DENND2B: variants seen among roughly 807,000 people sequenced by gnomAD.
DENND2B encodes DENN domain-containing protein 2B.
A neutral mutation model predicts 116.0 loss-of-function variants in DENND2B; 32 were observed. That is an observed-to-expected ratio of 0.28 (90% CI 0.21 to 0.37). The LOEUF (loss-of-function observed/expected upper bound fraction) is 0.37, where lower values mean the gene tolerates loss of function less well. Ranked by LOEUF, DENND2B falls within the 10% of genes least tolerant of loss-of-function variation. The pLI is 1.00. For synonymous variants in DENND2B, 588 were observed against 583.9 expected (o/e 1.01, Z -0.10); for missense variants, 1,276 against 1,477.7 (o/e 0.86, Z 2.24).
At chr11:8,854,016 ATTTTTTTTTTTTTTTTTT>A (rs71059187) in intron 3 of DENND2B, among the ~76,000 whole-genome samples, 1 of 62,756 alleles carries the variant, frequency 1.6e-5, no homozygotes, top group Admixed American at 2.5e-4. Flanking sequence ...GCCCCAGTTA[ATTTTTTTTTTTTTTTTTT>A]TTTTTTTTTT....
chr11:8,783,809 C>A (rs1593638550), intron 1 of DENND2B, among the ~76,000 whole-genome samples: 1 of 152,158 alleles, frequency 6.6e-6, no homozygotes, highest in East Asian at 1.9e-4. Flanking sequence ...AGAAGTATAA[C>A]AAAAGCTCTA....
chr11:8,718,052 G>A lies in DENND2B; in HGVS notation c.1478-160C>T, dbSNP rs1161065755. 7 of 692,350 alleles carry A rather than the reference G, an allele frequency of 1.0e-5. No individual in the cohort carries two copies. The East Asian group carries it at 1.4e-4, about 14-fold the overall frequency. The allele number at this position is 692,350 out of a possible 1,614,324, so 42.9% of individuals were successfully genotyped here. On this transcript the variant is annotated intron_variant, in intron 4 of 19. Transcript: ENST00000313726. Reference sequence around the variant, plus strand: ...TCATGCAGCTGCCCGTCTGCAGTGGGGAGGCTACAAACAGATCCTGGCTCC... The same window carrying A: ...TCATGCAGCTGCCCGTCTGCAGTGGAGAGGCTACAAACAGATCCTGGCTCC...
intron 1 of DENND2B, chr11:8,784,253 A>G (rs1484343315): frequency 2.1e-5 from 1 of 47,286 alleles, no homozygotes; most frequent in African/African-American, 1.5e-4. Flanking sequence ...ATCTCTACCG[A>G]AAAAAAAAAA....
chr11:8,770,797 C>T (rs926896170), intron 1 of DENND2B, among the ~76,000 whole-genome samples: 2 of 152,158 alleles, frequency 1.3e-5, no homozygotes, highest in Non-Finnish European at 2.9e-5. Flanking sequence ...TAAAATGATC[C>T]TCCTGCCTCA....
intron 16 of DENND2B, 77 bp from the exon 17 acceptor site, chr11:8,697,713 G>T: frequency 2.2e-6 from 2 of 925,018 alleles, no homozygotes; most frequent in Non-Finnish European, 3.6e-6. Context: ...TGTTAGAAGA[G>T]CGTGAGTAGA....
At position 8,766,532 on chromosome 11, in the gene DENND2B, C is replaced by T. The variant is rs570934661; in HGVS notation, c.-25-15807G>A. The stretch of plus-strand genomic sequence containing the variant: ...ATGTCCACAAGCCAAATCATTAATC[C>T]AAAGAGACAGGGAGCAATGGGAACC... On this transcript the variant is annotated intron_variant, in intron 1 of 19. Transcript: ENST00000313726. 1.5e-4 allele frequency: 157 copies of T among 1,039,728 alleles called. No homozygotes were observed. The African/African-American group carries it at 2.4e-3, about 16-fold the overall frequency. The allele number at this position is 1,039,728 out of a possible 1,614,324, so 64.4% of individuals were successfully genotyped here. A position where few individuals can be genotyped will look rare whatever the true frequency, so the allele number is the denominator to read the frequency against.
intron 4 of DENND2B, among the ~76,000 whole-genome samples, chr11:8,720,706 A>T (rs2046006661): frequency 6.6e-6 from 1 of 152,122 alleles, no homozygotes; most frequent in African/African-American, 2.4e-5. Context: ...TCTCAAATAG[A>T]TTCTCCCAGT....
intron 5 of DENND2B, 85 bp from the exon 6 acceptor site, chr11:8,715,903 C>T: frequency 7.6e-7 from 1 of 1,318,610 alleles, no homozygotes; most frequent in East Asian, 2.4e-5. Context: ...GACACAGAGG[C>T]CAAGGGCCGG....
At chr11:8,740,338 C>T (rs902300666) in intron 2 of DENND2B, among the ~76,000 whole-genome samples, 2 of 152,212 alleles carry the variant, frequency 1.3e-5, no homozygotes, top group Admixed American at 6.5e-5. Flanking sequence ...AATCCCTGGG[C>T]TAGTGACACA....
intron 1 of DENND2B, among the ~76,000 whole-genome samples, chr11:8,907,171 G>C (rs993676940): frequency 6.6e-6 from 1 of 152,156 alleles, no homozygotes; most frequent in South Asian, 2.1e-4. Flanking sequence ...TCTCATTAGT[G>C]AATTTACCCT....
upstream of DENND2B, among the ~76,000 whole-genome samples, chr11:8,813,402 G>C (rs1252105114): frequency 6.6e-6 from 1 of 151,810 alleles, no homozygotes; most frequent in African/African-American, 2.4e-5. Flanking sequence ...GAAAGACAAA[G>C]AAAGACAAGA....
At chr11:8,856,177 A>G (rs1451946798) in intron 3 of DENND2B, among the ~76,000 whole-genome samples, 1 of 152,244 alleles carries the variant, frequency 6.6e-6, no homozygotes, top group Non-Finnish European at 1.5e-5. Flanking sequence ...TTGATGCAAT[A>G]TGATCAAAAG....
At chr11:8,881,324 A>G (rs1212823077) in intron 1 of DENND2B, among the ~76,000 whole-genome samples, 1 of 152,044 alleles carries the variant, frequency 6.6e-6, no homozygotes, top group Non-Finnish European at 1.5e-5. Context: ...CTGTTCCTTT[A>G]ATAATTTCAT....
intron 1 of DENND2B, 110 bp from the exon 2 acceptor site, chr11:8,750,835 G>A: frequency 2.3e-6 from 2 of 885,814 alleles, no homozygotes; most frequent in Non-Finnish European, 3.6e-6. Context: ...GTGGCAGGTA[G>A]TAGAAACTGC....
chr11:8,831,443 C>G (rs1029774515), intron 4 of DENND2B: 1 of 152,518 alleles, frequency 6.6e-6, no homozygotes, highest in Non-Finnish European at 1.5e-5. Flanking sequence ...CCACAGCCAG[C>G]CCCCACCATC....
chr11:8,862,029 G>C (rs1163395956), intron 2 of DENND2B, among the ~76,000 whole-genome samples: 1 of 151,854 alleles, frequency 6.6e-6, no homozygotes, highest in Non-Finnish European at 1.5e-5. Flanking sequence ...AGACACAGAA[G>C]GGGGAGGAAG....
chr11:8,869,357 T>C (rs1230060500), intron 2 of DENND2B, among the ~76,000 whole-genome samples: 3 of 152,206 alleles, frequency 2.0e-5, no homozygotes, highest in Non-Finnish European at 4.4e-5. Context: ...GGGGAGTTTT[T>C]CCAAAGGTAA....
rs542240198 is a variant in DENND2B, at chr11:8,796,733, T to C, written c.-26+13784A>G. On this transcript the variant is annotated intron_variant, in intron 1 of 19. Transcript: ENST00000313726. ...ACAAATTACTTACTTTTTCCAAAAG[T>C]AAATTCCATCTTCTTATACAATAGG... is the stretch of plus-strand genomic sequence containing the variant. Among the ~76,000 whole-genome samples the C allele has an allele frequency of 1.4e-3, 215 of 152,286 alleles. 1 individual carries two copies. Among genetic ancestry groups the C allele is most frequent in the African/African-American group, 5.0e-3 (207 of 41,556 alleles).
chr11:8,776,528 C>G (rs1216613816), intron 1 of DENND2B: 4 of 280,094 alleles, frequency 1.4e-5, no homozygotes, highest in Admixed American at 4.9e-5. Context: ...ATGCAGGCAG[C>G]AGAGTCAACC....
Sources: allele counts gnomAD v4.1 joint callset (sites outside exome capture counted in the v4.1 genomes callset), GRCh38; gene constraint gnomAD v4.1.1; transcripts MANE v1.5; gene names NCBI Gene and HGNC (gene_info 2026-07-23, HGNC 2026-07-21).